Variants in NALF1 observed in about 807,000 individuals in gnomAD.
NALF1 encodes NALCN channel auxiliary factor 1, also known as family with sequence similarity 155 member A.
A neutral mutation model predicts 48.4 loss-of-function variants in NALF1; 3 were observed. That is an observed-to-expected ratio of 0.06 (90% CI 0.03 to 0.16). NALF1 has a LOEUF of 0.16. Among genes scored for constraint, NALF1 ranks in the 10% least tolerant of loss-of-function variants. The pLI, the probability that NALF1 is intolerant of heterozygous loss-of-function variation, is 1.00. For synonymous variants in NALF1, 262 were observed against 245.7 expected, an observed-to-expected ratio of 1.07 and a Z score of -0.62; for missense variants, 526 against 571.5, an observed-to-expected ratio of 0.92 and a Z score of 0.81.
At chr13:107,578,757 C>G (rs572283172) in intron 1 of NALF1, among the ~76,000 whole-genome samples, 47 of 152,212 alleles carry the variant, frequency 3.1e-4, no homozygotes, top group African/African-American at 1.0e-3. Flanking sequence ...TAAGTAGCAT[C>G]TGAATTTTGG....
intron 1 of NALF1, among the ~76,000 whole-genome samples, chr13:107,273,641 T>C (rs1007493759): frequency 6.6e-6 from 1 of 152,206 alleles, no homozygotes; most frequent in Non-Finnish European, 1.5e-5. Flanking sequence ...GAATAATCAT[T>C]TTTAAGAGAC....
At chr13:107,291,499 A>C (rs1347137925) in intron 1 of NALF1, among the ~76,000 whole-genome samples, 1 of 152,176 alleles carries the variant, frequency 6.6e-6, no homozygotes, top group East Asian at 1.9e-4. Context: ...ACAAAAAAAA[A>C]AAAAATGAAC....
In NALF1 at chr13:107,866,729, T is replaced by C. The variant is rs952945308; in HGVS notation, c.-133A>G. 7 of 615,226 alleles carry C rather than the reference T, an allele frequency of 1.1e-5. No individual in the cohort carries two copies. The highest frequency in any genetic ancestry group is 9.4e-5 in the African/African-American group (5 of 52,992). 38.1% of individuals were successfully genotyped at this position (615,226 alleles called of 1,614,324 possible). On this transcript the variant is annotated 5_prime_UTR_variant, in exon 1 of 3. Transcript: ENST00000375915. The surrounding 1 kb of genome is among the most constrained non-coding windows in gnomAD (Gnocchi z 4.4). ...CGTTTCTTCTCTCTCCTCTCTCTCT[T>C]TCTCTCTCTTCCCCTCTCCCTCTCT...
At chr13:107,838,479 T>C (rs16971273) in intron 1 of NALF1, among the ~76,000 whole-genome samples, 6,168 of 152,268 alleles carry the variant, frequency 0.041, 339 homozygotes, top group African/African-American at 0.12. Flanking sequence ...ATCAGTTTGC[T>C]TTACCTACTT....
intron 1 of NALF1, among the ~76,000 whole-genome samples, chr13:107,675,864 C>T (rs1881107418): frequency 1.3e-5 from 2 of 152,270 alleles, no homozygotes; most frequent in Admixed American, 6.5e-5. Context: ...ATGCATTTTC[C>T]ATACCTTCTT....
chr13:107,513,127 C>A (rs1875950501), intron 1 of NALF1, among the ~76,000 whole-genome samples: 1 of 152,134 alleles, frequency 6.6e-6, no homozygotes, highest in South Asian at 2.1e-4. Flanking sequence ...CATAAGGATT[C>A]GAAAATAAGA....
At chr13:107,765,124 T>G (rs952664757) in intron 1 of NALF1, among the ~76,000 whole-genome samples, 1 of 152,140 alleles carries the variant, frequency 6.6e-6, no homozygotes, top group Non-Finnish European at 1.5e-5. Context: ...AAAGAAAATA[T>G]GTTGCTAGGA....
intron 1 of NALF1, among the ~76,000 whole-genome samples, chr13:107,305,659 T>C (rs1042018294): frequency 1.3e-5 from 2 of 152,142 alleles, no homozygotes; most frequent in South Asian, 2.1e-4. Context: ...TTGAATACTA[T>C]ACAGCCATAA....
intron 1 of NALF1, among the ~76,000 whole-genome samples, chr13:107,387,002 T>C (rs904398092): frequency 6.6e-6 from 1 of 152,064 alleles, no homozygotes; most frequent in Non-Finnish European, 1.5e-5. Flanking sequence ...GTATTAGCTA[T>C]GCACAAAAAA....
intron 2 of NALF1, among the ~76,000 whole-genome samples, chr13:107,182,368 G>A (rs1004651539): frequency 6.6e-6 from 1 of 151,842 alleles, no homozygotes; most frequent in Non-Finnish European, 1.5e-5. Context: ...TAGCTTCCAG[G>A]CCCAAGTGAT....
In NALF1 at chr13:107,163,835, A is replaced by G. The variant is rs1298949988; in HGVS notation, c.*6662T>C. 1.3e-5 allele frequency: 2 copies of G among 152,242 alleles called. No homozygotes were observed. The highest frequency in any genetic ancestry group is 3.8e-4 in the East Asian group (2 of 5,204). The allele number at this position is 152,242 out of a possible 1,614,324, so 9.4% of individuals were successfully genotyped here. ...ATTAAGTGCAAACATGAGAATGCTT[A>G]TCATGATATGAAAATAAATGCCATA... On this transcript the variant is annotated 3_prime_UTR_variant, in exon 3 of 3. Transcript: ENST00000375915.
chr13:107,333,513 A>G (rs1882505235), intron 1 of NALF1, among the ~76,000 whole-genome samples: 1 of 152,128 alleles, frequency 6.6e-6, no homozygotes, highest in East Asian at 1.9e-4. Flanking sequence ...AGGGACTCAC[A>G]TTTTTCACTG....
In NALF1 at chr13:107,345,145, G is replaced by A. The variant is rs183712621; in HGVS notation, c.916-134390C>T. On this transcript the variant is annotated intron_variant, in intron 1 of 2. Coordinates refer to ENST00000375915, the MANE Select transcript of NALF1 (RefSeq NM_001080396.3). ...GTACACTGACAACTTCAAAAACATT[G>A]CTGAAAGAAGTTAAAGACATCAGTA... Among the ~76,000 whole-genome samples the A allele has an allele frequency of 4.1e-3, 620 of 151,882 alleles. 4 individuals carry two copies. The highest frequency in any genetic ancestry group is 0.01 in the Middle Eastern group (3 of 294).
At chr13:107,275,027 G>C (rs1025432186) in intron 1 of NALF1, among the ~76,000 whole-genome samples, 1 of 152,166 alleles carries the variant, frequency 6.6e-6, no homozygotes, top group African/African-American at 2.4e-5. Context: ...ATAACTGATG[G>C]ATTAGTGTAA....
chr13:107,213,230 C>CAAAAAAAAAAAAAAAAAAAAAAA (rs386380636), intron 1 of NALF1, among the ~76,000 whole-genome samples: 29 of 103,344 alleles, frequency 2.8e-4, no homozygotes, highest in Non-Finnish European at 3.4e-4. Flanking sequence ...TTTTTTAACT[C>CAAAAAAAAAAAAAAAAAAAAAAA]AAAAAAAAAA....
chr13:107,683,120 A>G lies in NALF1; in HGVS notation c.915+182562T>C, dbSNP rs146793861. 4.0e-3 allele frequency among the ~76,000 whole-genome samples: 615 copies of G among 152,114 alleles called. 3 individuals carry two copies. Among genetic ancestry groups the G allele is most frequent in the African/African-American group, 0.014 (600 of 41,500 alleles). On this transcript the variant is annotated intron_variant, in intron 1 of 2. Transcript: ENST00000375915. ...CTACAAAAAAATTCAAAAATTAGCCAGGTGTGGTAGAGTGCACCTGTGGTC... is the reference window on the plus strand; with the variant it reads ...CTACAAAAAAATTCAAAAATTAGCCGGGTGTGGTAGAGTGCACCTGTGGTC...
At chr13:107,327,444 C>CCT (rs1469379834) in intron 1 of NALF1, among the ~76,000 whole-genome samples, 2 of 152,178 alleles carry the variant, frequency 1.3e-5, no homozygotes, top group Non-Finnish European at 2.9e-5. Context: ...TGTGGCCAAA[C>CCT]CATTCTATAA....
intron 1 of NALF1, among the ~76,000 whole-genome samples, chr13:107,254,550 C>T (rs1286956036): frequency 6.6e-6 from 1 of 152,106 alleles, no homozygotes. Flanking sequence ...TAGCCCCTAC[C>T]ACAGCTGTCC....
At chr13:107,618,303 T>C (rs1189992313) in intron 1 of NALF1, among the ~76,000 whole-genome samples, 1 of 152,164 alleles carries the variant, frequency 6.6e-6, no homozygotes, top group Non-Finnish European at 1.5e-5. Context: ...AAGAAATTGT[T>C]ATAAACTGGA....
Sources: gnomAD v4.1 joint callset for allele counts (sites outside exome capture counted in the v4.1 genomes callset) on GRCh38, gnomAD v4.1.1 for gene constraint, Gnocchi (gnomAD v3.1) non-coding constraint, MANE v1.5 for transcripts, NCBI Gene and HGNC (gene_info 2026-07-23, HGNC 2026-07-21) for gene names.